ATP1A4: variants seen among roughly 807,000 people sequenced by gnomAD.
ATP1A4 encodes the protein ATPase Na+/K+ transporting subunit alpha 4.
In ATP1A4, 90 loss-of-function variants were observed where a neutral mutation model predicts 114.3. The observed-to-expected ratio is 0.79, with a 90% CI of 0.66 to 0.94. The LOEUF is 0.94. ATP1A4 is among the 40% of genes least tolerant of loss of function. ATP1A4 has a pLI of 0.00. For synonymous variants in ATP1A4, 511 were observed against 494.1 expected, an observed-to-expected ratio of 1.03 and a Z score of -0.45; for missense variants, 1,222 against 1,313.6, an observed-to-expected ratio of 0.93 and a Z score of 1.08.
rs1446507453 is a variant in ATP1A4 at position 160,159,515 on chromosome 1, A to G, written c.767A>G (p.Asn256Ser). The G allele has an allele frequency of 3.1e-6, 5 of 1,612,916 alleles. No individual in the cohort carries two copies. The South Asian group carries it at 3.3e-5, about 11-fold the overall frequency. ...CGAAACATCTGCTTCTTTTCCACCA[A>G]CTGTGTGGAAGGTGAATATCGAACC... is the stretch of plus-strand genomic sequence containing the variant. ...ETRNICFFST[N>S]CVEGTARGIV... The change falls in exon 6 of 22, where the codon AAC becomes AGC. Residue 256 changes from asparagine (N) to serine (S), a missense_variant. By Grantham distance (46) the Asn-to-Ser change is conservative. Transcript: ENST00000368081.
At chr1:160,186,222 T>C in intron 20 of ATP1A4, 54 bp from the exon 21 acceptor site, 1 of 1,247,532 alleles carries the variant, frequency 8.0e-7, no homozygotes, top group Non-Finnish European at 1.2e-6. Flanking sequence ...CCTCTGCACC[T>C]GTCCTCTGGC....
intron 10 of ATP1A4, among the ~76,000 whole-genome samples, chr1:160,168,243 T>C (rs1265153157): frequency 6.6e-6 from 1 of 152,058 alleles, no homozygotes; most frequent in Non-Finnish European, 1.5e-5. Flanking sequence ...TCAAGCTGAG[T>C]TCCACGGGGC....
chr1:160,166,695 G>C lies in ATP1A4; in HGVS notation c.1215G>C (p.Val405=). The C allele has an allele frequency of 1.2e-6, 2 of 1,614,182 alleles. No homozygotes were observed. The highest frequency in any genetic ancestry group is 1.7e-6 in the Non-Finnish European group (2 of 1,180,040). The change falls in exon 8 of 22, where the codon GTG becomes GTC. Residue 405 remains valine (V), a synonymous_variant. Coordinates refer to ENST00000368081, the MANE Select transcript of ATP1A4 (RefSeq NM_144699.4). ...TVAHMWFDMT[V]YEADTTEEQT... The stretch of plus-strand genomic sequence containing the variant: ...CCCACATGTGGTTTGATATGACCGT[G>C]TATGAGGCCGACACCACTGAAGAAC...
chr1:160,170,909 T>A (rs1469345700), intron 10 of ATP1A4: 1 of 200,590 alleles, frequency 5.0e-6, no homozygotes, highest in African/African-American at 2.3e-5. Flanking sequence ...CTTTCCTGTC[T>A]ACTCTCTTTT....
chr1:160,154,295 C>T (rs1290967515), intron 2 of ATP1A4, among the ~76,000 whole-genome samples: 1 of 151,976 alleles, frequency 6.6e-6, no homozygotes. Context: ...ATCACTTGAA[C>T]CTGGGAGATG....
intron 7 of ATP1A4, 38 bp downstream of exon 7, chr1:160,164,462 AAAC>A: frequency 6.2e-7 from 1 of 1,607,410 alleles, no homozygotes; most frequent in Non-Finnish European, 8.5e-7. Flanking sequence ...CAGGGCAGAC[AAAC>A]CACCCCAGGG....
Position 160,158,993 on chromosome 1 carries a change from C to T in ATP1A4, c.526-9C>T. ...GTTTTGGAAATGATCCTGCACTATC[C>T]TCTCATAGCAAGCTCTGGTAATTCG... is the stretch of plus-strand genomic sequence containing the variant. On this transcript the variant is annotated splice_polypyrimidine_tract_variant and intron_variant, in intron 4 of 21. Coordinates refer to ENST00000368081, the MANE Select transcript of ATP1A4 (RefSeq NM_144699.4). 6.2e-7 allele frequency: 1 copy of T among 1,613,018 alleles called. No homozygotes were observed. The highest frequency in any genetic ancestry group is 8.5e-7 in the Non-Finnish European group (1 of 1,179,396).
At chr1:160,172,227 C>T (rs527486542) in intron 12 of ATP1A4, among the ~76,000 whole-genome samples, 5 of 152,292 alleles carry the variant, frequency 3.3e-5, no homozygotes, top group East Asian at 3.9e-4. Flanking sequence ...GATGCTGTTG[C>T]TGCTGGTCTG....
At chr1:160,170,601 T>C (rs1653213429) in intron 10 of ATP1A4, 1 of 69,470 alleles carries the variant, frequency 1.4e-5, no homozygotes, top group South Asian at 4.2e-4. Context: ...TTTTTTTTTT[T>C]GAGACGGCGT....
At chr1:160,161,666 T>C (rs1478044920) in intron 6 of ATP1A4, among the ~76,000 whole-genome samples, 1 of 152,152 alleles carries the variant, frequency 6.6e-6, no homozygotes, top group Non-Finnish European at 1.5e-5. Flanking sequence ...CCTCAGCATC[T>C]CTCAAGTATT....
intron 10 of ATP1A4, 90 bp from the exon 11 acceptor site, chr1:160,171,161 T>TA (rs1653240610): frequency 1.3e-5 from 16 of 1,214,684 alleles, no homozygotes; most frequent in Non-Finnish European, 1.8e-5. Context: ...ATGAAACACA[T>TA]TTTTTTACCT....
intron 6 of ATP1A4, among the ~76,000 whole-genome samples, chr1:160,161,418 G>A (rs555856591): frequency 5.9e-5 from 9 of 152,318 alleles, no homozygotes; most frequent in African/African-American, 2.2e-4. Flanking sequence ...GTATGAAGAA[G>A]CCAGTCTGGC....
chr1:160,166,759 G>A (rs894990724), intron 8 of ATP1A4, 33 bp downstream of exon 8: 2 of 1,612,844 alleles, frequency 1.2e-6, no homozygotes, highest in African/African-American at 1.3e-5. Context: ...CAAGAGTGGA[G>A]GGATTTGGGG....
chr1:160,176,303 G>A, intron 16 of ATP1A4, 57 bp downstream of exon 16: 2 of 1,607,454 alleles, frequency 1.2e-6, no homozygotes, highest in Middle Eastern at 1.7e-4. Flanking sequence ...TAAGCTCCCT[G>A]CTTTCTGCCT....
chr1:160,172,300 C>T (rs369372533), intron 12 of ATP1A4, among the ~76,000 whole-genome samples: 71 of 152,144 alleles, frequency 4.7e-4, no homozygotes, highest in African/African-American at 1.6e-3. Context: ...CCGAGATGGG[C>T]GGTAAAAGGG....
At position 160,155,081 on chromosome 1, in the gene ATP1A4, C is replaced by T. The variant is rs565184841; in HGVS notation, c.244C>T (p.Arg82Ter). Reference sequence around the variant, plus strand: ...CCAAAGGGCAAAGGAAATCCTGACTCGAGGTGGACCCAATACTGTTACCCC... The same window carrying T: ...CCAAAGGGCAAAGGAAATCCTGACTTGAGGTGGACCCAATACTGTTACCCC... ...SHQRAKEILT[R>*]GGPNTVTPPP... Residue 82 changes from arginine to a stop codon, truncating the protein, a stop_gained, in exon 3 of 22, where the codon CGA (arginine) becomes TGA (stop). Coordinates refer to ENST00000368081, the MANE Select transcript of ATP1A4 (RefSeq NM_144699.4). LOFTEE classifies it high-confidence loss of function. The T allele has an allele frequency of 2.5e-5, 41 of 1,614,004 alleles. No individual in the cohort carries two copies. Among genetic ancestry groups the T allele is most frequent in the South Asian group, 2.2e-4 (20 of 91,066 alleles).
At chr1:160,175,402 C>G (rs1653424738) in intron 15 of ATP1A4, among the ~76,000 whole-genome samples, 1 of 151,962 alleles carries the variant, frequency 6.6e-6, no homozygotes, top group Non-Finnish European at 1.5e-5. Context: ...TATTTTATAT[C>G]CACTCAATTC....
intron 1 of ATP1A4, among the ~76,000 whole-genome samples, chr1:160,152,521 A>T (rs751760564): frequency 6.6e-6 from 1 of 152,128 alleles, no homozygotes; most frequent in Non-Finnish European, 1.5e-5. Flanking sequence ...GATATCGATA[A>T]GATGTTCTCA....
At chr1:160,155,961 G>T (rs1184344459) in intron 3 of ATP1A4, 84 bp from the exon 4 acceptor site, 2 of 816,792 alleles carry the variant, frequency 2.4e-6, no homozygotes, top group Non-Finnish European at 4.3e-6. Flanking sequence ...TGGTGAAACT[G>T]CTGTGCCCCT....
Sources: allele counts gnomAD v4.1 joint callset (sites outside exome capture counted in the v4.1 genomes callset), GRCh38; gene constraint gnomAD v4.1.1; transcripts MANE v1.5; gene names NCBI Gene and HGNC (gene_info 2026-07-23, HGNC 2026-07-21).